The following OR56A3 variants were observed in gnomAD, a reference collection of about 807,000 sequenced individuals.
OR56A3 encodes olfactory receptor 56A3.
A neutral mutation model predicts 17.5 loss-of-function variants in OR56A3; 23 were observed. That is an observed-to-expected ratio of 1.32 (90% CI 0.95 to 1.87). The LOEUF (loss-of-function observed/expected upper bound fraction) is 1.87, where lower values mean the gene tolerates loss of function less well. Among genes scored for constraint, OR56A3 ranks in the 40% most tolerant of loss-of-function variants. The probability of loss-of-function intolerance (pLI) is 0.00; values close to 1 mark genes in which losing one functional copy is unlikely to be tolerated. For missense variants in OR56A3, 366 were observed against 380.1 expected (o/e 0.96, Z 0.31); for synonymous variants, 175 against 150.6 (o/e 1.16, Z -1.19).
the OR56A3 span, among the ~76,000 whole-genome samples, chr11:6,004,355 A>G: frequency 1.3e-5 from 2 of 151,928 alleles, no homozygotes; most frequent in Non-Finnish European, 2.9e-5. Context: ...TCCATCTCAG[A>G]AAAAAAAGAA....
the OR56A3 span, chr11:6,000,379 C>T: frequency 3.9e-5 from 6 of 152,092 alleles, no homozygotes; most frequent in Admixed American, 2.0e-4. Context: ...AACCAAACAC[C>T]GCATTTTCTC....
At chr11:6,003,232 T>C in the OR56A3 span, 1 of 815,588 alleles carries the variant, frequency 1.2e-6, no homozygotes. Flanking sequence ...TTTTAAAAAA[T>C]ACTAAGGAGT....
chr11:6,002,376 C>A, the OR56A3 span: 3 of 1,614,070 alleles, frequency 1.9e-6, no homozygotes, highest in African/African-American at 1.3e-5. Flanking sequence ...CAGAGTCCAG[C>A]CTGCCACAAA....
the OR56A3 span, among the ~76,000 whole-genome samples, chr11:6,013,765 C>G: frequency 6.6e-6 from 1 of 152,138 alleles, no homozygotes; most frequent in African/African-American, 2.4e-5. Context: ...CCATGTGCAC[C>G]ATCAGAGAGC....
At chr11:5,966,546 C>T in the OR56A3 span, among the ~76,000 whole-genome samples, 1 of 151,942 alleles carries the variant, frequency 6.6e-6, no homozygotes, top group Non-Finnish European at 1.5e-5. Flanking sequence ...TTACTTAATC[C>T]CAGGAAATAT....
the OR56A3 span, among the ~76,000 whole-genome samples, chr11:5,959,938 G>T: frequency 6.6e-6 from 1 of 152,198 alleles, no homozygotes; most frequent in African/African-American, 2.4e-5. Flanking sequence ...TTTCCTCATT[G>T]TGTGTTATTG....
the OR56A3 span, among the ~76,000 whole-genome samples, chr11:6,016,021 C>T: frequency 6.6e-6 from 1 of 152,032 alleles, no homozygotes; most frequent in Admixed American, 6.5e-5. Flanking sequence ...AATCTCATGT[C>T]GAATTGTAAT....
chr11:5,951,514 G>T (rs953773193), downstream of OR56A3, among the ~76,000 whole-genome samples: 50 of 151,936 alleles, frequency 3.3e-4, no homozygotes, highest in African/African-American at 1.2e-3. Flanking sequence ...AACCAAATAG[G>T]TGTTATTCAT....
rs983581999 is a variant in OR56A3 at position 5,950,804 on chromosome 11, C to G, written c.*2510C>G. ...TAACATACATTTTAATTCAGACTAC[C>G]CAGATTCCAAGCATTCAATAGCCAC... On this transcript the variant is annotated 3_prime_UTR_variant, in exon 3 of 3. Coordinates refer to ENST00000641160, the MANE Select transcript of OR56A3 (RefSeq NM_001003443.3). 1 of 152,010 alleles carries G rather than the reference C, an allele frequency of 6.6e-6. No homozygotes were observed. Among genetic ancestry groups the G allele is most frequent in the Non-Finnish European group, 1.5e-5 (1 of 67,974 alleles). 9.4% of individuals were successfully genotyped at this position (152,010 alleles called of 1,614,324 possible). A position where few individuals can be genotyped will look rare whatever the true frequency, so the allele number is the denominator to read the frequency against.
At chr11:5,986,273 T>C in the OR56A3 span, 16 of 1,613,946 alleles carry the variant, frequency 9.9e-6, no homozygotes, top group African/African-American at 4.0e-5. Flanking sequence ...AGCAAGGCCA[T>C]AGTCAGCCCA....
the OR56A3 span, among the ~76,000 whole-genome samples, chr11:5,963,324 C>T: frequency 6.6e-6 from 1 of 152,068 alleles, no homozygotes; most frequent in African/African-American, 2.4e-5. Context: ...ATTGCTATAG[C>T]CTTCCTCTTA....
At chr11:6,000,014 G>A in the OR56A3 span, 1 of 152,168 alleles carries the variant, frequency 6.6e-6, no homozygotes, top group African/African-American at 2.4e-5. Context: ...CACTGTTGGT[G>A]GCACTGTAAA....
the OR56A3 span, among the ~76,000 whole-genome samples, chr11:6,018,040 G>GTATATATA: frequency 9.6e-4 from 20 of 20,896 alleles, 1 homozygote; most frequent in South Asian, 0.047. Flanking sequence ...GTGTGTGTGT[G>GTATATATA]TATATATATA....
At chr11:5,981,510 A>G in the OR56A3 span, among the ~76,000 whole-genome samples, 1 of 152,194 alleles carries the variant, frequency 6.6e-6, no homozygotes, top group Non-Finnish European at 1.5e-5. Context: ...CAGCTCTATC[A>G]AATCAGTTTG....
downstream of OR56A3, among the ~76,000 whole-genome samples, chr11:5,954,814 T>C (rs1313372119): frequency 6.6e-6 from 1 of 152,082 alleles, no homozygotes; most frequent in African/African-American, 2.4e-5. Context: ...CTGATCCTAA[T>C]TGCAAGGAAA....
chr11:5,983,557 A>C, the OR56A3 span, among the ~76,000 whole-genome samples: 2 of 152,058 alleles, frequency 1.3e-5, no homozygotes, highest in Non-Finnish European at 2.9e-5. Context: ...CCCTCACCCA[A>C]AGGATGAGAA....
chr11:6,014,981 T>C, the OR56A3 span, among the ~76,000 whole-genome samples: 3 of 57,592 alleles, frequency 5.2e-5, no homozygotes, highest in African/African-American at 1.7e-4. Flanking sequence ...TATGCTCATA[T>C]TCATGGGCAA....
the OR56A3 span, among the ~76,000 whole-genome samples, chr11:6,003,917 T>A: frequency 6.6e-6 from 1 of 152,238 alleles, no homozygotes; most frequent in East Asian, 1.9e-4. Flanking sequence ...CCTTAGCATA[T>A]GTAATCTACA....
chr11:6,002,618 A>G, the OR56A3 span: 1 of 1,614,230 alleles, frequency 6.2e-7, no homozygotes, highest in Non-Finnish European at 8.5e-7. Flanking sequence ...TGGCCACATA[A>G]CGGTCATAGG....
Sources: gnomAD v4.1 joint callset for allele counts (sites outside exome capture counted in the v4.1 genomes callset) on GRCh38, gnomAD v4.1.1 for gene constraint, MANE v1.5 for transcripts, NCBI Gene and HGNC (gene_info 2026-07-23, HGNC 2026-07-21) for gene names.